Variants in TRIM16 observed in about 807,000 individuals in gnomAD.
TRIM16 encodes tripartite motif-containing protein 16.
TRIM16 carries 33 observed loss-of-function variants against 50.4 expected under a neutral mutation model. The observed-to-expected ratio is 0.65, with a 90% CI of 0.50 to 0.88. TRIM16 has a LOEUF of 0.88. TRIM16 is among the 40% of genes least tolerant of loss of function. TRIM16 has a pLI of 0.00. For synonymous variants in TRIM16, 229 were observed against 270.7 expected, an observed-to-expected ratio of 0.85 and a Z score of 1.51; for missense variants, 581 against 686.8, an observed-to-expected ratio of 0.85 and a Z score of 1.72.
intron 11 of TRIM16, among the ~76,000 whole-genome samples, chr17:15,630,913 G>A (rs1405728666): frequency 2.6e-5 from 4 of 151,878 alleles, no homozygotes; most frequent in African/African-American, 9.7e-5. Context: ...ATTAACAGAA[G>A]GCTATTACTA....
chr17:15,644,143 C>G (rs1172223305), intron 7 of TRIM16, among the ~76,000 whole-genome samples: 1 of 152,190 alleles, frequency 6.6e-6, no homozygotes, highest in Non-Finnish European at 1.5e-5. Flanking sequence ...ACTTCCACCC[C>G]TTCAGCAATC....
At position 15,629,218 on chromosome 17, in the gene TRIM16, A is replaced by T; in HGVS notation, c.1112-20T>A. 1 of 1,573,322 alleles carries T rather than the reference A, an allele frequency of 6.4e-7. No homozygotes were observed. The highest frequency in any genetic ancestry group is 1.2e-5 in the South Asian group (1 of 84,098). Reference sequence around the variant, plus strand: ...ACGCATCTGAGGAGACACAGAAGGCAGGAGAGTGGTTCAGGAACTGACAGC... The same window carrying T: ...ACGCATCTGAGGAGACACAGAAGGCTGGAGAGTGGTTCAGGAACTGACAGC... On this transcript the variant is annotated intron_variant, in intron 11 of 11. Transcript: ENST00000649191.
intron 6 of TRIM16, among the ~76,000 whole-genome samples, chr17:15,671,935 A>G (rs1330473580): frequency 1.3e-5 from 2 of 152,186 alleles, no homozygotes; most frequent in African/African-American, 2.4e-5. Flanking sequence ...GAAAAGAGTG[A>G]TAACGTGACA....
intron 7 of TRIM16, among the ~76,000 whole-genome samples, chr17:15,647,014 T>A (rs71358347): frequency 2.0e-5 from 3 of 151,654 alleles, no homozygotes; most frequent in Admixed American, 2.0e-4. Flanking sequence ...TCACCCAGGC[T>A]GGAGTGCAAT....
At chr17:15,663,774 A>G (rs1456007214) in intron 6 of TRIM16, among the ~76,000 whole-genome samples, 3 of 152,130 alleles carry the variant, frequency 2.0e-5, no homozygotes, top group Non-Finnish European at 4.4e-5. Flanking sequence ...CAGTCTCCAT[A>G]CAATGAATGC....
intron 6 of TRIM16, among the ~76,000 whole-genome samples, chr17:15,659,867 A>G (rs1234788213): frequency 6.6e-6 from 1 of 152,178 alleles, no homozygotes; most frequent in African/African-American, 2.4e-5. Context: ...CATTCCAGGG[A>G]GCCGCACTCA....
rs1989238428 is a variant in TRIM16, at chr17:15,682,857, G to A, written c.-682C>T. The A allele has an allele frequency of 2.8e-6, 4 of 1,433,432 alleles. No individual in the cohort carries two copies. The highest frequency in any genetic ancestry group is 3.1e-5 in the South Asian group (2 of 64,696). 88.8% of individuals were successfully genotyped at this position (1,433,432 alleles called of 1,614,324 possible). On this transcript the variant is annotated 5_prime_UTR_variant, in exon 3 of 12. Coordinates refer to ENST00000649191, the MANE Select transcript of TRIM16 (RefSeq NM_001348119.1). Reference sequence around the variant, plus strand: ...CCACCATTCTTCGCACACTCACCACGCACCAGGTGCTTTCCATAAATCAGT... The same window carrying A: ...CCACCATTCTTCGCACACTCACCACACACCAGGTGCTTTCCATAAATCAGT...
At chr17:15,664,861 G>A (rs1047788059) in intron 6 of TRIM16, among the ~76,000 whole-genome samples, 3 of 151,886 alleles carry the variant, frequency 2.0e-5, no homozygotes, top group Admixed American at 6.6e-5. Flanking sequence ...GTGAAACCCC[G>A]ACTCTACTAA....
chr17:15,667,646 A>C (rs1988553903), intron 6 of TRIM16, among the ~76,000 whole-genome samples: 1 of 152,212 alleles, frequency 6.6e-6, no homozygotes, highest in Non-Finnish European at 1.5e-5. Flanking sequence ...TCTTCATCTA[A>C]GAATTCCATC....
intron 6 of TRIM16, among the ~76,000 whole-genome samples, chr17:15,670,545 T>C (rs1230880526): frequency 6.6e-6 from 1 of 152,192 alleles, no homozygotes; most frequent in Non-Finnish European, 1.5e-5. Context: ...TCACCCCAAA[T>C]AGCACGGGCA....
intron 6 of TRIM16, among the ~76,000 whole-genome samples, chr17:15,667,375 G>A (rs1988542371): frequency 6.6e-6 from 1 of 152,170 alleles, no homozygotes; most frequent in Non-Finnish European, 1.5e-5. Flanking sequence ...TTTCATTTAA[G>A]AATGTACTTG....
intron 6 of TRIM16, among the ~76,000 whole-genome samples, chr17:15,661,453 C>G (rs1405114651): frequency 6.6e-6 from 1 of 152,144 alleles, no homozygotes; most frequent in African/African-American, 2.4e-5. Context: ...AGGCAACATT[C>G]ATATTTCGCA....
intron 11 of TRIM16, among the ~76,000 whole-genome samples, chr17:15,630,119 C>A (rs919442582): frequency 6.6e-6 from 1 of 152,162 alleles, no homozygotes; most frequent in African/African-American, 2.4e-5. Flanking sequence ...CTGACTCTCT[C>A]CCTTGATTAC....
chr17:15,646,066 T>G (rs926263562), intron 7 of TRIM16, among the ~76,000 whole-genome samples: 1 of 152,120 alleles, frequency 6.6e-6, no homozygotes, highest in Admixed American at 6.5e-5. Context: ...CAGAAGAATG[T>G]GTTGAAGCAG....
rs1987670664 is a variant in TRIM16, at chr17:15,651,096, T to G, written c.514A>C (p.Lys172Gln). The G allele has an allele frequency of 1.2e-6, 2 of 1,606,634 alleles. No individual in the cohort carries two copies. Among genetic ancestry groups the G allele is most frequent in the Non-Finnish European group, 1.7e-6 (2 of 1,175,708 alleles). The change falls in exon 7 of 12, where the codon AAG becomes CAG. Residue 172 changes from lysine to glutamine, a missense_variant. Around this residue, in one of 3 missense-constraint regions of TRIM16, gnomAD observed 450 missense variants for 544.3 expected, o/e 0.83. Coordinates refer to ENST00000649191, the MANE Select transcript of TRIM16 (RefSeq NM_001348119.1). ...AATGGTCCCCAAGCACTCACCTCCT[T>G]GTCCCTGCGGGCTGCATCCAGGGAG... ...IVSLDAARRDKEAELQCTQLD... is the reference protein window; with the variant it reads ...IVSLDAARRDQEAELQCTQLD...
In TRIM16 at chr17:15,680,883, G is replaced by A. The variant is rs1597682943; in HGVS notation, c.-608C>T. 1 of 1,546,162 alleles carries A rather than the reference G, an allele frequency of 6.5e-7. No individual in the cohort carries two copies. Among genetic ancestry groups the A allele is most frequent in the Non-Finnish European group, 8.7e-7 (1 of 1,145,896 alleles). ...AACTCACCTGGGACTCTGCTGTCCGGCAAAGAGCAGCCATATTTTCCTTCT... is the reference window on the plus strand; with the variant it reads ...AACTCACCTGGGACTCTGCTGTCCGACAAAGAGCAGCCATATTTTCCTTCT... On this transcript the variant is annotated 5_prime_UTR_variant, in exon 4 of 12. Transcript: ENST00000649191.
chr17:15,634,348 G>T (rs1288859949), intron 9 of TRIM16, among the ~76,000 whole-genome samples: 2 of 139,974 alleles, frequency 1.4e-5, no homozygotes, highest in African/African-American at 5.3e-5. Flanking sequence ...AAAAAAAATT[G>T]GCCGGGCGCG....
intron 6 of TRIM16, among the ~76,000 whole-genome samples, chr17:15,660,758 C>T (rs1176209849): frequency 2.6e-5 from 4 of 151,822 alleles, no homozygotes; most frequent in African/African-American, 9.7e-5. Context: ...ATTAGCCGGG[C>T]GTGGTGGCAG....
intron 6 of TRIM16, 80 bp downstream of exon 6, chr17:15,677,096 A>C (rs1476538466): frequency 6.7e-6 from 6 of 889,530 alleles, no homozygotes; most frequent in Middle Eastern, 5.6e-4. Flanking sequence ...GGGATTCAAC[A>C]TTTTCTACAG....
Sources: gnomAD v4.1 joint callset for allele counts (sites outside exome capture counted in the v4.1 genomes callset) on GRCh38, gnomAD v4.1.1 for gene constraint, gnomAD v4.1.1 regional missense constraint, MANE v1.5 for transcripts, NCBI Gene and HGNC (gene_info 2026-07-23, HGNC 2026-07-21) for gene names.